F13A1: variants seen among roughly 807,000 people sequenced by gnomAD.
F13A1 encodes FSF, A subunit.
A neutral mutation model predicts 80.1 loss-of-function variants in F13A1; 47 were observed. The ratio of observed to expected loss-of-function variants is 0.59; its 90% confidence interval spans 0.46 to 0.75. The LOEUF (loss-of-function observed/expected upper bound fraction) is 0.75, where lower values mean the gene tolerates loss of function less well. Among genes scored for constraint, F13A1 ranks in the 30% least tolerant of loss-of-function variants. The pLI, the probability that F13A1 is intolerant of heterozygous loss-of-function variation, is 0.00. For synonymous variants in F13A1, 349 were observed against 344.9 expected, an observed-to-expected ratio of 1.01 and a Z score of -0.13; for missense variants, 817 against 930.4, an observed-to-expected ratio of 0.88 and a Z score of 1.59.
intron 3 of F13A1, among the ~76,000 whole-genome samples, chr6:6,271,494 T>C (rs1295348144): frequency 2.0e-5 from 3 of 152,128 alleles, no homozygotes; most frequent in African/African-American, 7.2e-5. Context: ...GCCTAGAGTA[T>C]ATAATGCCTG....
At chr6:6,191,353 C>G (rs1242163454) in intron 10 of F13A1, among the ~76,000 whole-genome samples, 1 of 152,168 alleles carries the variant, frequency 6.6e-6, no homozygotes, top group Non-Finnish European at 1.5e-5. Flanking sequence ...TTTCTTCCTT[C>G]TTTTGAATGT....
chr6:6,221,864 A>G (rs144227306), intron 8 of F13A1, among the ~76,000 whole-genome samples, 169 bp downstream of exon 8: 3 of 152,378 alleles, frequency 2.0e-5, no homozygotes, highest in African/African-American at 7.2e-5. Flanking sequence ...CTCTTCAGTA[A>G]CATTTCTAAT....
intron 2 of F13A1, among the ~76,000 whole-genome samples, chr6:6,306,203 C>G (rs968595483): frequency 8.5e-5 from 13 of 152,198 alleles, no homozygotes; most frequent in Admixed American, 1.3e-4. Context: ...GACACAGAAA[C>G]TATCCTCAGC....
intron 13 of F13A1, among the ~76,000 whole-genome samples, chr6:6,163,043 T>G (rs183496889): frequency 6.6e-6 from 1 of 152,306 alleles, no homozygotes; most frequent in Non-Finnish European, 1.5e-5. Flanking sequence ...ATAGCTGCTG[T>G]CATCATAATC....
intron 13 of F13A1, 91 bp from the exon 14 acceptor site, chr6:6,152,040 A>G: frequency 6.6e-7 from 1 of 1,510,792 alleles, no homozygotes; most frequent in Non-Finnish European, 9.1e-7. Context: ...CTAGAGTTTT[A>G]TGATACAGTT....
chr6:6,273,664 G>A (rs986797285), intron 3 of F13A1, among the ~76,000 whole-genome samples: 2 of 152,088 alleles, frequency 1.3e-5, no homozygotes, highest in African/African-American at 4.8e-5. Context: ...TTCCCAAGGC[G>A]CACCTTTCAT....
intron 3 of F13A1, among the ~76,000 whole-genome samples, chr6:6,291,215 G>A (rs1758220527): frequency 6.6e-6 from 1 of 152,062 alleles, no homozygotes; most frequent in Non-Finnish European, 1.5e-5. Flanking sequence ...AACCTTGGAA[G>A]ATGAGGAATT....
chr6:6,276,032 G>A (rs1757983729), intron 3 of F13A1, among the ~76,000 whole-genome samples: 1 of 152,190 alleles, frequency 6.6e-6, no homozygotes, highest in African/African-American at 2.4e-5. Flanking sequence ...AGGAGGAACA[G>A]GAGTCAAAGA....
intron 3 of F13A1, among the ~76,000 whole-genome samples, chr6:6,297,414 A>T (rs1161247131): frequency 2.7e-5 from 4 of 150,664 alleles, no homozygotes; most frequent in Admixed American, 2.6e-4. Context: ...GATCATTGCC[A>T]CAATTTCAGA....
intron 2 of F13A1, among the ~76,000 whole-genome samples, chr6:6,306,979 A>T (rs944677899): frequency 6.6e-6 from 1 of 152,266 alleles, no homozygotes; most frequent in African/African-American, 2.4e-5. Context: ...ACTGCTGAGC[A>T]ATTCAAAGTT....
intron 4 of F13A1, among the ~76,000 whole-genome samples, chr6:6,260,316 A>G (rs1213676643): frequency 1.3e-5 from 2 of 152,166 alleles, no homozygotes; most frequent in African/African-American, 2.4e-5. Flanking sequence ...TCTCCTATCA[A>G]TAAGTGCTGT....
At chr6:6,206,519 G>A (rs1761492312) in intron 8 of F13A1, 2 of 480,216 alleles carry the variant, frequency 4.2e-6, no homozygotes, top group Non-Finnish European at 8.6e-6. Context: ...AACTCCCCTT[G>A]GTTTACTCTC....
At chr6:6,297,926 C>T (rs1378990542) in intron 3 of F13A1, among the ~76,000 whole-genome samples, 6 of 149,524 alleles carry the variant, frequency 4.0e-5, no homozygotes, top group Non-Finnish European at 8.8e-5. Context: ...TGAATGCGTC[C>T]CTGAGATTCT....
At chr6:6,212,453 T>C (rs1387985519) in intron 8 of F13A1, among the ~76,000 whole-genome samples, 6 of 151,840 alleles carry the variant, frequency 4.0e-5, no homozygotes, top group Non-Finnish European at 5.9e-5. Flanking sequence ...CTCCAACAGA[T>C]CTGCAGCTGA....
At chr6:6,206,399 T>G (rs535554564) in intron 8 of F13A1, 2 of 455,208 alleles carry the variant, frequency 4.4e-6, no homozygotes, top group East Asian at 1.4e-4. Flanking sequence ...ATGATTCCAT[T>G]GCCATATGGA....
At chr6:6,229,047 G>C (rs1757315698) in intron 6 of F13A1, among the ~76,000 whole-genome samples, 1 of 152,210 alleles carries the variant, frequency 6.6e-6, no homozygotes, top group Non-Finnish European at 1.5e-5. Flanking sequence ...GAGTACTGAA[G>C]AGTAGATAGA....
chr6:6,289,908 G>T (rs1356258505), intron 3 of F13A1, among the ~76,000 whole-genome samples: 1 of 151,890 alleles, frequency 6.6e-6, no homozygotes, highest in African/African-American at 2.4e-5. Context: ...CTTTCTGGAG[G>T]ATTCTTTCAA....
rs936285262 is a variant in F13A1, at chr6:6,144,866, G to C, written c.*753C>G. ...CATCCCAGAAAGGGTTAAAGTAAGG[G>C]ATATTGGCTCCTGCTGATCAGGCCA... On this transcript the variant is annotated 3_prime_UTR_variant, in exon 15 of 15. Transcript: ENST00000264870. 6.5e-6 allele frequency: 1 copy of C among 152,716 alleles called. No individual in the cohort carries two copies. The highest frequency in any genetic ancestry group is 1.5e-5 in the Non-Finnish European group (1 of 68,118). The allele number at this position is 152,716 out of a possible 1,614,324, so 9.5% of individuals were successfully genotyped here.
chr6:6,180,685 G>A (rs1760964884), intron 11 of F13A1, among the ~76,000 whole-genome samples: 1 of 152,196 alleles, frequency 6.6e-6, no homozygotes, highest in Non-Finnish European at 1.5e-5. Flanking sequence ...TGCAATGGAT[G>A]ATAACCAACA....
Sources: allele counts gnomAD v4.1 joint callset (sites outside exome capture counted in the v4.1 genomes callset), GRCh38; gene constraint gnomAD v4.1.1; transcripts MANE v1.5; gene names NCBI Gene and HGNC (gene_info 2026-07-23, HGNC 2026-07-21).